Variants in SCUBE2 observed in about 807,000 individuals in gnomAD.
SCUBE2 encodes the protein signal peptide, CUB domain and EGF like domain containing 2.
SCUBE2 carries 114 observed loss-of-function variants against 125.9 expected under a neutral mutation model. The ratio of observed to expected loss-of-function variants is 0.91; its 90% CI spans 0.78 to 1.06. SCUBE2 has a LOEUF of 1.06. Ranked by LOEUF, SCUBE2 falls within the 50% of genes least tolerant of loss-of-function variation. The pLI is 0.00. For missense variants in SCUBE2, 1,255 were observed against 1,301.8 expected, an observed-to-expected ratio of 0.96 and a Z score of 0.55; for synonymous variants, 459 against 492.9, an observed-to-expected ratio of 0.93 and a Z score of 0.91.
At chr11:9,068,495 C>A (rs1289580477) in intron 5 of SCUBE2, among the ~76,000 whole-genome samples, 1 of 152,142 alleles carries the variant, frequency 6.6e-6, no homozygotes, top group Non-Finnish European at 1.5e-5. Context: ...GGGGCTCATA[C>A]CTGGGGAGAC....
At chr11:9,027,291 A>G (rs530608008) in intron 20 of SCUBE2, 73 bp downstream of exon 20, 8 of 1,458,742 alleles carry the variant, frequency 5.5e-6, no homozygotes, top group Non-Finnish European at 7.6e-6. Context: ...GCCTCCTCAC[A>G]TTGAAAGCCT....
At chr11:9,088,666 G>A (rs914105682) in intron 2 of SCUBE2, among the ~76,000 whole-genome samples, 2 of 152,158 alleles carry the variant, frequency 1.3e-5, no homozygotes, top group African/African-American at 2.4e-5. Context: ...AAAACCTCTC[G>A]AAGAGGAAGG....
At chr11:9,037,428 C>T (rs1883101) in intron 16 of SCUBE2, among the ~76,000 whole-genome samples, 1 of 152,124 alleles carries the variant, frequency 6.6e-6, no homozygotes, top group African/African-American at 2.4e-5. Context: ...TTGAAGCCTC[C>T]GCCTCTTTTC....
At chr11:9,022,460 T>C (rs1380444706) in intron 21 of SCUBE2, 1 of 156,750 alleles carries the variant, frequency 6.4e-6, no homozygotes, top group Non-Finnish European at 1.4e-5. Flanking sequence ...CAGCACCCAC[T>C]GTCTCTAATT....
chr11:9,030,953 C>T (rs1856251395), intron 17 of SCUBE2, 28 bp from the exon 18 acceptor site: 1 of 1,599,686 alleles, frequency 6.3e-7, no homozygotes, highest in African/African-American at 1.3e-5. Context: ...CTTACGTGAG[C>T]AAGGCCTCCA....
In SCUBE2 at chr11:9,059,377, T is replaced by C; in HGVS notation, c.1016A>G (p.Lys339Arg). 6.2e-7 allele frequency: 1 copy of C among 1,614,226 alleles called. No homozygotes were observed. The highest frequency in any genetic ancestry group is 1.6e-4 in the Middle Eastern group (1 of 6,062). The change falls in exon 9 of 23, where the codon AAA becomes AGA. Residue 339 changes from lysine to arginine, a missense_variant. Around this residue, in one of 3 missense-constraint regions of SCUBE2, gnomAD observed 378 missense variants for 463.1 expected, o/e 0.82. Coordinates refer to ENST00000649792, the MANE Select transcript of SCUBE2 (RefSeq NM_001367977.2). Reference sequence around the variant, plus strand: ...GCAGTCAAAACTGCCCACGATGTTTTTGCAGAAATGATCACAACCTCCATT... The same window carrying C: ...GCAGTCAAAACTGCCCACGATGTTTCTGCAGAAATGATCACAACCTCCATT... The part of the protein sequence containing the change: ...TRNGGCDHFC[K>R]NIVGSFDCGC...
intron 16 of SCUBE2, among the ~76,000 whole-genome samples, chr11:9,038,652 A>C (rs7130454): frequency 0.78 from 118,088 of 151,900 alleles, 46,238 homozygotes; most frequent in East Asian, 1. Context: ...ACAACAACAA[A>C]AAAAAACAGG....
intron 2 of SCUBE2, among the ~76,000 whole-genome samples, chr11:9,081,527 C>G (rs1462255986): frequency 6.6e-6 from 1 of 151,988 alleles, no homozygotes; most frequent in African/African-American, 2.4e-5. Flanking sequence ...ACAGGATTTC[C>G]TTTTTTAAGG....
chr11:9,079,895 T>A (rs1269096901), intron 2 of SCUBE2, among the ~76,000 whole-genome samples: 1 of 152,070 alleles, frequency 6.6e-6, no homozygotes, highest in Non-Finnish European at 1.5e-5. Context: ...ATGTAAGAAA[T>A]AAGAAGATAT....
chr11:9,061,269 G>A (rs1859656492), intron 7 of SCUBE2, among the ~76,000 whole-genome samples: 1 of 152,078 alleles, frequency 6.6e-6, no homozygotes, highest in Non-Finnish European at 1.5e-5. Context: ...TGGGGGTGGG[G>A]GGTGGTGGCG....
intron 7 of SCUBE2, among the ~76,000 whole-genome samples, chr11:9,065,332 G>C (rs1402846631): frequency 6.6e-6 from 1 of 152,142 alleles, no homozygotes; most frequent in East Asian, 1.9e-4. Flanking sequence ...GTGAGATCAT[G>C]AGATCTCATG....
chr11:9,057,540 A>ATGGAGTCTCGCTCTATCCCCCAGGC (rs1423108119), intron 9 of SCUBE2: 76 of 121,614 alleles, frequency 6.2e-4, no homozygotes, highest in African/African-American at 2.4e-3. Flanking sequence ...TTTTTTTGAG[A>ATGGAGTCTCGCTCTATCCCCCAGGC]TGGAGTCTCG....
chr11:9,047,219 G>A, intron 16 of SCUBE2, 137 bp downstream of exon 16: 1 of 857,156 alleles, frequency 1.2e-6, no homozygotes, highest in Non-Finnish European at 1.8e-6. Flanking sequence ...AACAGTTACT[G>A]AAACAGAAGC....
At chr11:9,081,888 A>T (rs116777316) in intron 2 of SCUBE2, among the ~76,000 whole-genome samples, 2,278 of 152,252 alleles carry the variant, frequency 0.015, 55 homozygotes, top group African/African-American at 0.052. Context: ...TTTTTTTAAA[A>T]TTTTTTGAGG....
intron 4 of SCUBE2, among the ~76,000 whole-genome samples, chr11:9,071,677 C>T (rs527949867): frequency 1.3e-5 from 2 of 152,288 alleles, no homozygotes; most frequent in South Asian, 4.1e-4. Flanking sequence ...ACCCCAAGAT[C>T]AGGGCTCCAC....
intron 3 of SCUBE2, among the ~76,000 whole-genome samples, chr11:9,077,873 T>G (rs1861326930): frequency 6.6e-6 from 1 of 152,180 alleles, no homozygotes; most frequent in South Asian, 2.1e-4. Context: ...GACTCTGCCT[T>G]CAGGGTTTCC....
rs1220810213 is a variant in SCUBE2, at chr11:9,020,089, A to T, written c.*956T>A. On this transcript the variant is annotated 3_prime_UTR_variant, in exon 23 of 23. Coordinates refer to ENST00000649792, the MANE Select transcript of SCUBE2 (RefSeq NM_001367977.2). ...ATTTGAGACTGGGGAAGGAAGGCAT[A>T]CATGACAGGCTGGGCCTCACCACAC... 2.6e-5 allele frequency among the ~76,000 whole-genome samples: 4 copies of T among 152,194 alleles called. No homozygotes were observed. The highest frequency in any genetic ancestry group is 7.2e-5 in the African/African-American group (3 of 41,448).
chr11:9,031,487 G>T (rs1247856484), intron 17 of SCUBE2, among the ~76,000 whole-genome samples: 3 of 152,118 alleles, frequency 2.0e-5, no homozygotes, highest in Non-Finnish European at 4.4e-5. Context: ...AAATTAGCCA[G>T]ACATAGTGGC....
chr11:9,033,059 C>T, intron 17 of SCUBE2, among the ~76,000 whole-genome samples: 1 of 152,252 alleles, frequency 6.6e-6, no homozygotes, highest in Non-Finnish European at 1.5e-5. Flanking sequence ...AGTGTCAATA[C>T]AGCCAGCCCT....
Sources: gnomAD v4.1 joint callset for allele counts (sites outside exome capture counted in the v4.1 genomes callset) on GRCh38, gnomAD v4.1.1 for gene constraint, gnomAD v4.1.1 regional missense constraint, MANE v1.5 for transcripts, NCBI Gene and HGNC (gene_info 2026-07-23, HGNC 2026-07-21) for gene names.